ADAMTS13: variants seen among roughly 807,000 people sequenced by gnomAD.
ADAMTS13 encodes the protein A disintegrin and metalloproteinase with thrombospondin motifs 13.
A neutral mutation model predicts 155.1 loss-of-function variants in ADAMTS13; 110 were observed. The ratio of observed to expected loss-of-function variants is 0.71; its 90% CI spans 0.61 to 0.83. The LOEUF is 0.83. Ranked by LOEUF, ADAMTS13 falls within the 40% of genes least tolerant of loss-of-function variation. The pLI is 0.00. For missense variants in ADAMTS13, 1,707 were observed against 1,891.7 expected, an observed-to-expected ratio of 0.90 and a Z score of 1.81; for synonymous variants, 758 against 756.4, an observed-to-expected ratio of 1.00 and a Z score of -0.03.
chr9:133,447,756 T>A (rs936345385), intron 21 of ADAMTS13, among the ~76,000 whole-genome samples: 9 of 151,852 alleles, frequency 5.9e-5, no homozygotes, highest in African/African-American at 2.2e-4. Flanking sequence ...ACCTGGCTAA[T>A]TTTTTGTATT....
chr9:133,435,476 A>G (rs895030261), intron 11 of ADAMTS13, among the ~76,000 whole-genome samples: 1 of 147,916 alleles, frequency 6.8e-6, no homozygotes, highest in African/African-American at 2.5e-5. Context: ...GGCATGAGCC[A>G]CCGCTCCCGG....
chr9:133,454,467 G>A lies in ADAMTS13; in HGVS notation c.3097G>A (p.Ala1033Thr), dbSNP rs28503257. Residue 1033 changes from alanine (A) to threonine (T), a missense_variant, in exon 24 of 29, where the codon GCT becomes ACT. Coordinates refer to ENST00000355699, the MANE Select transcript of ADAMTS13 (RefSeq NM_139027.6). Reference protein sequence around the residue: ...PCSASCGLGTARRSVACVQLD... With the variant: ...PCSASCGLGTTRRSVACVQLD... Reference sequence around the variant, plus strand: ...TTCGGCCAGCTGTGGCCTTGGCACTGCTAGACGCTCGGTGGCCTGTGTGCA... The same window carrying A: ...TTCGGCCAGCTGTGGCCTTGGCACTACTAGACGCTCGGTGGCCTGTGTGCA... 59,163 of 1,613,558 alleles carry A rather than the reference G, an allele frequency of 0.037. 1,340 individuals are homozygous for A. Among genetic ancestry groups the A allele is most frequent in the Non-Finnish European group, 0.041 (48,374 of 1,180,016 alleles).
In ADAMTS13 at chr9:133,422,399, G is replaced by GC; in HGVS notation, c.-40dup. ...ACTGACCAGATTCCCAGTCACCAAG[G>GC]CCCCCTCTCACTCCGCTCCACTCCT... On this transcript the variant is annotated 5_prime_UTR_variant, in exon 1 of 29. Coordinates refer to ENST00000355699, the MANE Select transcript of ADAMTS13 (RefSeq NM_139027.6). The GC allele has an allele frequency of 6.4e-7, 1 of 1,556,286 alleles. No homozygotes were observed. The highest frequency in any genetic ancestry group is 1.4e-5 in the African/African-American group (1 of 73,974).
rs587757133 is a variant in ADAMTS13, at chr9:133,449,976, C to T, written c.3044+11C>T. 1.2e-5 allele frequency: 19 copies of T among 1,588,658 alleles called. No individual in the cohort carries two copies. The highest frequency in any genetic ancestry group is 3.6e-5 in the Admixed American group (2 of 55,360). On this transcript the variant is annotated intron_variant, in intron 23 of 28. Transcript: ENST00000355699. ...GCCCTGCCCACCTAGGTGAGTCAGC[C>T]GGTGATGGGAGGGGCAGCTCCTGGT...
rs1261115155 is a variant in ADAMTS13, at chr9:133,454,721, C to A, written c.3249+102C>A. On this transcript the variant is annotated intron_variant, in intron 24 of 28. Coordinates refer to ENST00000355699, the MANE Select transcript of ADAMTS13 (RefSeq NM_139027.6). ...CTAGGAGGCATTGGCTCATCGTGTCCCCTGAAAGGAAGGAGAGAGCTGCGC... is the reference window on the plus strand; with the variant it reads ...CTAGGAGGCATTGGCTCATCGTGTCACCTGAAAGGAAGGAGAGAGCTGCGC... 2.9e-6 allele frequency: 4 copies of A among 1,394,640 alleles called. No homozygotes were observed. The African/African-American group carries it at 4.3e-5, about 15-fold the overall frequency. 86.4% of individuals were successfully genotyped at this position (1,394,640 alleles called of 1,614,324 possible). A position where few individuals can be genotyped will look rare whatever the true frequency, so the allele number is the denominator to read the frequency against.
intron 7 of ADAMTS13, 182 bp from the exon 8 acceptor site, chr9:133,429,757 C>T: frequency 1.2e-6 from 1 of 838,778 alleles, no homozygotes; most frequent in Non-Finnish European, 2.0e-6. Context: ...CCGGCAGGAG[C>T]CTTAGTCTTG....
At chr9:133,437,127 C>T (rs1046783793) in intron 12 of ADAMTS13, among the ~76,000 whole-genome samples, 172 bp downstream of exon 12, 8 of 152,214 alleles carry the variant, frequency 5.3e-5, no homozygotes, top group Non-Finnish European at 1.2e-4. Flanking sequence ...GCTGGTAGAT[C>T]AGGCACTGAC....
chr9:133,424,367 G>GCAGAGT lies in ADAMTS13; in HGVS notation c.220_221insAGAGTC (p.Arg73_Arg74insGlnSer), dbSNP rs1484827075. 15 of 1,613,278 alleles carry GCAGAGT rather than the reference G, an allele frequency of 9.3e-6. No individual in the cohort carries two copies. Among genetic ancestry groups the GCAGAGT allele is most frequent in the Non-Finnish European group, 1.0e-5 (12 of 1,179,978 alleles). On this transcript the variant is annotated inframe_insertion, in exon 3 of 29. Transcript: ENST00000355699. The surrounding 1 kb of genome is among the most constrained non-coding windows in gnomAD (Gnocchi z 4.3). ...TCCAGAGGCAGAGGCAGAGGCAGAG[G>GCAGAGT]CGGGCTGCAGGCGGCATCCTACACC...
intron 23 of ADAMTS13, 118 bp from the exon 24 acceptor site, chr9:133,454,297 T>A: frequency 7.9e-7 from 1 of 1,264,856 alleles, no homozygotes; most frequent in Non-Finnish European, 1.1e-6. Flanking sequence ...CCATCTTGCC[T>A]GGCCACGGAA....
Position 133,428,779 on chromosome 9 carries a change from C to A in ADAMTS13, c.824+8C>A. ...GCTGCTGAGCCTGCTCAGGTAGCGG[C>A]CGCCCCGTGGGAGGGGCGCGCGAGC... On this transcript the variant is annotated splice_region_variant and intron_variant, in intron 7 of 28. Coordinates refer to ENST00000355699, the MANE Select transcript of ADAMTS13 (RefSeq NM_139027.6). 1 of 1,319,294 alleles carries A rather than the reference C, an allele frequency of 7.6e-7. No individual in the cohort carries two copies. Among genetic ancestry groups the A allele is most frequent in the South Asian group, 2.0e-5 (1 of 50,248 alleles). 81.7% of individuals were successfully genotyped at this position (1,319,294 alleles called of 1,614,324 possible). A position where few individuals can be genotyped will look rare whatever the true frequency, so the allele number is the denominator to read the frequency against.
At chr9:133,426,993 G>C (rs989869115) in intron 6 of ADAMTS13, among the ~76,000 whole-genome samples, 7 of 152,114 alleles carry the variant, frequency 4.6e-5, no homozygotes, top group African/African-American at 1.7e-4. Flanking sequence ...AGTAGAGACA[G>C]GGTTTCTCCA....
In ADAMTS13 at chr9:133,454,547, G is replaced by A. The variant is rs782223782; in HGVS notation, c.3177G>A (p.Val1059=). The change falls in exon 24 of 29, where the codon GTG becomes GTA. Residue 1059 remains valine (V), a synonymous_variant. Coordinates refer to ENST00000355699, the MANE Select transcript of ADAMTS13 (RefSeq NM_139027.6). ...ACGAGGCGGCCTGTGCGGCGCTGGTGCGGCCCGAGGCCAGTGTCCCCTGTC... is the reference window on the plus strand; with the variant it reads ...ACGAGGCGGCCTGTGCGGCGCTGGTACGGCCCGAGGCCAGTGTCCCCTGTC... ...EVDEAACAAL[V]RPEASVPCLI... 5 of 1,608,828 alleles carry A rather than the reference G, an allele frequency of 3.1e-6. No individual in the cohort carries two copies. In the East Asian group the frequency reaches 8.9e-5, roughly 29 times the overall value.
chr9:133,437,105 T>C, intron 12 of ADAMTS13, 150 bp downstream of exon 12: 1 of 1,052,136 alleles, frequency 9.5e-7, no homozygotes, highest in Admixed American at 2.8e-5. Flanking sequence ...GATGACATAG[T>C]GGCCAGGCCT....
At chr9:133,421,281 A>C (rs1409073092), upstream of ADAMTS13, among the ~76,000 whole-genome samples, 1 of 152,086 alleles carries the variant, frequency 6.6e-6, no homozygotes, top group African/African-American at 2.4e-5. Flanking sequence ...ACAAACAAAA[A>C]CCAAAAAGAG....
chr9:133,436,685 C>T, intron 11 of ADAMTS13, 144 bp from the exon 12 acceptor site: 1 of 825,812 alleles, frequency 1.2e-6, no homozygotes. Context: ...CCCCAGTTTA[C>T]AGAGCAGGGA....
intron 22 of ADAMTS13, 149 bp from the exon 23 acceptor site, chr9:133,449,634 A>G: frequency 1.2e-6 from 1 of 841,222 alleles, no homozygotes; most frequent in East Asian, 2.6e-5. Context: ...CTTGGTGAGG[A>G]CACAAGGGGG....
intron 8 of ADAMTS13, 72 bp downstream of exon 8, chr9:133,430,173 A>C: frequency 2.0e-6 from 3 of 1,527,454 alleles, no homozygotes; most frequent in Non-Finnish European, 2.6e-6. Flanking sequence ...GTCCCCCAAA[A>C]CGTGCATGGT....
At chr9:133,450,203 C>A (rs587619502) in intron 23 of ADAMTS13, among the ~76,000 whole-genome samples, 2 of 151,916 alleles carry the variant, frequency 1.3e-5, no homozygotes, top group Non-Finnish European at 2.9e-5. Context: ...AAGGCTGAAG[C>A]GGGTGGATTA....
intron 1 of ADAMTS13, among the ~76,000 whole-genome samples, chr9:133,422,866 A>C (rs1206299815): frequency 7.1e-6 from 1 of 141,220 alleles, no homozygotes; most frequent in African/African-American, 2.7e-5. Flanking sequence ...GGTTGGCCTC[A>C]CCCACCTCCT....
Sources: allele counts gnomAD v4.1 joint callset (sites outside exome capture counted in the v4.1 genomes callset), GRCh38; gene constraint gnomAD v4.1.1; non-coding constraint Gnocchi (gnomAD v3.1); transcripts MANE v1.5; gene names NCBI Gene and HGNC (gene_info 2026-07-23, HGNC 2026-07-21).